Variants in RAMP1 observed in about 807,000 individuals in gnomAD.
RAMP1 encodes receptor activity-modifying protein 1.
In RAMP1, 7 loss-of-function variants were observed where a neutral mutation model predicts 8.2. The observed-to-expected ratio is 0.85, with a 90% CI of 0.49 to 1.60. The LOEUF is 1.60. Ranked by LOEUF, RAMP1 falls within the 40% of genes most tolerant of loss-of-function variation. The pLI is 0.00. For missense variants in RAMP1, 192 were observed against 202.4 expected (o/e 0.95, Z 0.31); for synonymous variants, 92 against 84.7 (o/e 1.09, Z -0.47).
At chr2:237,900,270 G>A (rs549212874) in intron 2 of RAMP1, among the ~76,000 whole-genome samples, 4 of 152,154 alleles carry the variant, frequency 2.6e-5, no homozygotes, top group East Asian at 1.9e-4. Context: ...CGGCATTCTC[G>A]TGCCTCAGCC....
At chr2:237,901,853 C>T (rs2062600572) in intron 2 of RAMP1, among the ~76,000 whole-genome samples, 1 of 42,504 alleles carries the variant, frequency 2.4e-5, no homozygotes, top group Admixed American at 2.9e-4. Flanking sequence ...GATGCCAAGC[C>T]CCCACATACT....
chr2:237,899,388 CA>C (rs2062576151), intron 2 of RAMP1, among the ~76,000 whole-genome samples: 1 of 152,178 alleles, frequency 6.6e-6, no homozygotes, highest in African/African-American at 2.4e-5. Flanking sequence ...AGATTTTTAT[CA>C]CATGAAGAAA....
intron 2 of RAMP1, among the ~76,000 whole-genome samples, chr2:237,889,152 T>C (rs2062464704): frequency 2.0e-5 from 3 of 152,222 alleles, no homozygotes; most frequent in Admixed American, 6.5e-5. Flanking sequence ...TTGATGTTCA[T>C]TTTCCACACT....
In RAMP1 at chr2:237,877,502, G is replaced by A; in HGVS notation, c.191+140G>A. 1 of 1,182,428 alleles carries A rather than the reference G, an allele frequency of 8.5e-7. No individual in the cohort carries two copies. The highest frequency in any genetic ancestry group is 2.6e-5 in the East Asian group (1 of 39,116). The allele number at this position is 1,182,428 out of a possible 1,614,324, so 73.2% of individuals were successfully genotyped here. On this transcript the variant is annotated intron_variant, in intron 2 of 2. Coordinates refer to ENST00000254661, the MANE Select transcript of RAMP1 (RefSeq NM_005855.4). The surrounding 1 kb of genome is among the most constrained non-coding windows in gnomAD (Gnocchi z 4.4). ...TTCTTCCCCCAGTGGGGGGGGCCGG[G>A]ATGAAGACAGAGGAGGGAGCCAGTA...
chr2:237,891,130 T>C (rs1010223245), intron 2 of RAMP1, among the ~76,000 whole-genome samples: 2 of 152,108 alleles, frequency 1.3e-5, no homozygotes, highest in Non-Finnish European at 2.9e-5. Flanking sequence ...GGTTTTGATA[T>C]GTCAGTTTTT....
rs866979857 is a variant in RAMP1 at position 237,878,733 on chromosome 2, C to T, written c.191+1371C>T. ...CGTGCTCAGTGCACTGTTGTTGAGG[C>T]GACTCTGTACCTTGGGAGCCCAAAC... On this transcript the variant is annotated intron_variant, in intron 2 of 2. Transcript: ENST00000254661. The surrounding 1 kb of genome is among the most constrained non-coding windows in gnomAD (Gnocchi z 5.7). Among the ~76,000 whole-genome samples, 11 of 152,240 alleles carry T rather than the reference C, an allele frequency of 7.2e-5. No homozygotes were observed. Among genetic ancestry groups the T allele is most frequent in the South Asian group, 2.1e-4 (1 of 4,832 alleles).
chr2:237,893,355 C>T (rs2062505209), intron 2 of RAMP1, among the ~76,000 whole-genome samples: 3 of 152,188 alleles, frequency 2.0e-5, no homozygotes, highest in Admixed American at 1.3e-4. Context: ...TTGCTGATGG[C>T]CTCGTTAAGC....
At chr2:237,886,837 C>T (rs570941723) in intron 2 of RAMP1, among the ~76,000 whole-genome samples, 5 of 152,324 alleles carry the variant, frequency 3.3e-5, no homozygotes, top group East Asian at 3.9e-4. Context: ...CATGCGGTGA[C>T]GCTAACCAGA....
chr2:237,908,942 C>T (rs1342435924), intron 2 of RAMP1, among the ~76,000 whole-genome samples: 1 of 152,150 alleles, frequency 6.6e-6, no homozygotes, highest in African/African-American at 2.4e-5. Flanking sequence ...GTGGAAAGGC[C>T]TTTGAGCCTG....
rs147874036 is a variant in RAMP1 at position 237,911,547 on chromosome 2, G to A, written c.211G>A (p.Asp71Asn). 1.2e-4 allele frequency: 192 copies of A among 1,613,992 alleles called. No homozygotes were observed. Among genetic ancestry groups the A allele is most frequent in the Non-Finnish European group, 1.6e-4 (185 of 1,179,994 alleles). ...RTIRSYRELA[D>N]CTWHMAEKLG... is the part of the protein sequence containing the mutation. The stretch of plus-strand genomic sequence containing the variant: ...CCGCAGGAGCTACAGGGAGCTGGCC[G>A]ACTGCACCTGGCACATGGCGGAGAA... Residue 71 changes from aspartate (D) to asparagine (N), a missense_variant, in exon 3 of 3, where the codon GAC becomes AAC. Physicochemically the swap from Asp to Asn is conservative, Grantham distance 23 (BLOSUM62 1). Transcript: ENST00000254661.
chr2:237,877,695 G>A lies in RAMP1; in HGVS notation c.191+333G>A, dbSNP rs1253913400. Among the ~76,000 whole-genome samples, 3 of 152,138 alleles carry A rather than the reference G, an allele frequency of 2.0e-5. No homozygotes were observed. Among genetic ancestry groups the A allele is most frequent in the South Asian group, 4.1e-4 (2 of 4,830 alleles). ...GTAGGGTCTCATGCCCAGGGTGGCC[G>A]GGTCTCTGACTGGAGCCTGGCTTCA... On this transcript the variant is annotated intron_variant, in intron 2 of 2. Coordinates refer to ENST00000254661, the MANE Select transcript of RAMP1 (RefSeq NM_005855.4). This position sits in a 1 kb window ranked among gnomAD's most constrained non-coding sequence, Gnocchi z 4.4.
chr2:237,911,191 A>C (rs1049360445), intron 2 of RAMP1, among the ~76,000 whole-genome samples: 4 of 152,216 alleles, frequency 2.6e-5, no homozygotes, highest in African/African-American at 9.6e-5. Flanking sequence ...CCAGGGTGGC[A>C]GAAGGAGCTG....
rs2151009432 is a variant in RAMP1 at position 237,878,129 on chromosome 2, T to C, written c.191+767T>C. ...AGTGGGTGAGTAGCGGGGTCAGCAG[T>C]GCATGCGTGGAGCTGAAGGCCACCG... On this transcript the variant is annotated intron_variant, in intron 2 of 2. Transcript: ENST00000254661. The surrounding 1 kb of genome is among the most constrained non-coding windows in gnomAD (Gnocchi z 5.7). The C allele has an allele frequency of 1.0e-6, 1 of 985,416 alleles. No homozygotes were observed. Among genetic ancestry groups the C allele is most frequent in the East Asian group, 1.1e-4 (1 of 8,790 alleles). 61.0% of individuals were successfully genotyped at this position (985,416 alleles called of 1,614,324 possible). A position where few individuals can be genotyped will look rare whatever the true frequency, so the allele number is the denominator to read the frequency against.
intron 2 of RAMP1, among the ~76,000 whole-genome samples, chr2:237,890,682 C>G (rs186327426): frequency 6.6e-6 from 1 of 152,316 alleles, no homozygotes; most frequent in East Asian, 1.9e-4. Context: ...TTTATTTGGT[C>G]TATGTCCTTC....
At chr2:237,903,886 G>A (rs2062630140) in intron 2 of RAMP1, among the ~76,000 whole-genome samples, 1 of 152,094 alleles carries the variant, frequency 6.6e-6, no homozygotes, top group Non-Finnish European at 1.5e-5. Context: ...GGTAGAGTTG[G>A]GGTTTCACTG....
chr2:237,911,553 A>C lies in RAMP1; in HGVS notation c.217A>C (p.Thr73Pro). 6.2e-7 allele frequency: 1 copy of C among 1,614,104 alleles called. No homozygotes were observed. Among genetic ancestry groups the C allele is most frequent in the Middle Eastern group, 1.7e-4 (1 of 6,058 alleles). ...IRSYRELADC[T>P]WHMAEKLGCF... ...GAGCTACAGGGAGCTGGCCGACTGCACCTGGCACATGGCGGAGAAGCTGGG... is the reference window on the plus strand; with the variant it reads ...GAGCTACAGGGAGCTGGCCGACTGCCCCTGGCACATGGCGGAGAAGCTGGG... The change falls in exon 3 of 3, where the codon ACC becomes CCC. Residue 73 changes from threonine to proline, a missense_variant. Thr to Pro is a conservative substitution (Grantham distance 38). Transcript: ENST00000254661.
chr2:237,911,485 C>T, intron 2 of RAMP1, 43 bp from the exon 3 acceptor site: 1 of 1,603,630 alleles, frequency 6.2e-7, no homozygotes, highest in Non-Finnish European at 8.5e-7. Context: ...GCGTTGGATC[C>T]CCCGCCTGCC....
chr2:237,899,955 C>G (rs188284916), intron 2 of RAMP1, among the ~76,000 whole-genome samples: 1 of 152,132 alleles, frequency 6.6e-6, no homozygotes, highest in Non-Finnish European at 1.5e-5. Flanking sequence ...TGCCTGGGAT[C>G]TAGTGCCTTT....
At chr2:237,885,747 C>T (rs957617875) in intron 2 of RAMP1, among the ~76,000 whole-genome samples, 7 of 152,224 alleles carry the variant, frequency 4.6e-5, no homozygotes, top group East Asian at 1.9e-4. Flanking sequence ...CTGCACCAGG[C>T]GTGAAGCCAG....
Sources: gnomAD v4.1 joint callset for allele counts (sites outside exome capture counted in the v4.1 genomes callset) on GRCh38, gnomAD v4.1.1 for gene constraint, Gnocchi (gnomAD v3.1) non-coding constraint, MANE v1.5 for transcripts, NCBI Gene and HGNC (gene_info 2026-07-23, HGNC 2026-07-21) for gene names.